The following ARHGAP30 variants were observed in gnomAD, a reference collection of about 807,000 sequenced individuals.
ARHGAP30 encodes the protein Rho GTPase activating protein 30.
A neutral mutation model predicts 72.0 loss-of-function variants in ARHGAP30; 23 were observed. The observed-to-expected ratio is 0.32, with a 90% CI of 0.23 to 0.45. ARHGAP30 has a LOEUF of 0.45. Ranked by LOEUF, ARHGAP30 falls within the 20% of genes least tolerant of loss-of-function variation. ARHGAP30 has a pLI of 1.00. For missense variants in ARHGAP30, 1,319 were observed against 1,383.4 expected (o/e 0.95, Z 0.74); for synonymous variants, 576 against 528.2 (o/e 1.09, Z -1.24).
rs527908839 is a variant in ARHGAP30 at position 161,063,522 on chromosome 1, G to A, written c.98-3806C>T. Among the ~76,000 whole-genome samples the A allele has an allele frequency of 2.0e-3, 306 of 152,226 alleles. 1 individual carries two copies. Among genetic ancestry groups the A allele is most frequent in the Non-Finnish European group, 1.8e-3 (122 of 68,030 alleles). ...CTGTCAGCCAAGAAGGATGTATATC[G>A]TCTCAGGACCCCGTAATAATTGCGT... On this transcript the variant is annotated intron_variant, in intron 1 of 11. Transcript: ENST00000368013.
rs151150229 is a variant in ARHGAP30, at chr1:161,049,643, T to G, written c.1467A>C (p.Ser489=). 129 of 1,613,992 alleles carry G rather than the reference T, an allele frequency of 8.0e-5. 3 individuals carry two copies. Among genetic ancestry groups the G allele is most frequent in the South Asian group, 7.7e-4 (70 of 91,084 alleles). ...ASPASSPLAD[S]GPDDLAPALE... ...GGGCAGGAGCCAAGTCGTCTGGGCC[T>G]GAGTCTGCCAGGGGACTTGAGGCTG... Residue 489 remains serine (S), a synonymous_variant, in exon 11 of 12, where the codon TCA becomes TCC. Coordinates refer to ENST00000368013, the MANE Select transcript of ARHGAP30 (RefSeq NM_001025598.2).
At chr1:161,054,754 C>T in intron 3 of ARHGAP30, 49 bp from the exon 4 acceptor site, 2 of 1,523,486 alleles carry the variant, frequency 1.3e-6, no homozygotes, top group Non-Finnish European at 1.8e-6. Flanking sequence ...CAGCAATGCC[C>T]CTGCTTACTC....
chr1:161,053,461 ATT>A, intron 5 of ARHGAP30, 76 bp from the exon 6 acceptor site: 3 of 805,622 alleles, frequency 3.7e-6, no homozygotes, highest in Non-Finnish European at 3.6e-6. Flanking sequence ...AAAATACCTT[ATT>A]CTCTCTCTCT....
chr1:161,063,670 G>A (rs907909734), intron 1 of ARHGAP30, among the ~76,000 whole-genome samples: 37 of 152,320 alleles, frequency 2.4e-4, no homozygotes, highest in Admixed American at 5.9e-4. Flanking sequence ...TCTGACTGCC[G>A]GTGAACCGGG....
intron 1 of ARHGAP30, among the ~76,000 whole-genome samples, chr1:161,063,897 G>A (rs754708292): frequency 7.9e-5 from 12 of 152,196 alleles, no homozygotes; most frequent in Non-Finnish European, 1.8e-4. Context: ...TTATTAGGAA[G>A]AGGAAACTCT....
At chr1:161,059,574 G>A (rs1181569451) in intron 2 of ARHGAP30, 40 bp downstream of exon 2, 4 of 1,550,140 alleles carry the variant, frequency 2.6e-6, no homozygotes, top group South Asian at 2.3e-5. Context: ...TGGCTCCCTG[G>A]CCTCCTGGTC....
chr1:161,052,156 G>T (rs1651452009), intron 9 of ARHGAP30, 130 bp downstream of exon 9: 1 of 938,154 alleles, frequency 1.1e-6, no homozygotes, highest in Non-Finnish European at 1.7e-6. Context: ...TTACAATGTG[G>T]CTGGTATATA....
chr1:161,050,568 C>G (rs1229345064), intron 10 of ARHGAP30, among the ~76,000 whole-genome samples: 1 of 151,956 alleles, frequency 6.6e-6, no homozygotes, highest in Non-Finnish European at 1.5e-5. Flanking sequence ...CTCAGCTTCC[C>G]AAAGTGTTGG....
intron 2 of ARHGAP30, among the ~76,000 whole-genome samples, chr1:161,058,082 T>C (rs1379707990): frequency 1.3e-5 from 2 of 149,554 alleles, no homozygotes; most frequent in Non-Finnish European, 3.0e-5. Context: ...ACCCGCAAGG[T>C]GGAGGTTGTG....
intron 1 of ARHGAP30, among the ~76,000 whole-genome samples, chr1:161,065,867 C>A (rs976265620): frequency 7.6e-6 from 1 of 131,830 alleles, no homozygotes; most frequent in Non-Finnish European, 1.6e-5. Context: ...GCACCCGGCC[C>A]CTTATTTATT....
chr1:161,063,810 C>A (rs372564575), intron 1 of ARHGAP30, among the ~76,000 whole-genome samples: 20 of 152,248 alleles, frequency 1.3e-4, no homozygotes, highest in East Asian at 9.6e-4. Flanking sequence ...ACGCCCCCCC[C>A]ACCGGGGCGT....
intron 6 of ARHGAP30, 129 bp downstream of exon 6, chr1:161,053,129 G>A (rs934354921): frequency 1.8e-5 from 24 of 1,359,066 alleles, no homozygotes; most frequent in Non-Finnish European, 2.4e-5. Flanking sequence ...TCTCCCCAGG[G>A]TTCTCTCCAT....
intron 2 of ARHGAP30, among the ~76,000 whole-genome samples, chr1:161,058,223 A>G (rs1652033635): frequency 6.6e-6 from 1 of 151,576 alleles, no homozygotes; most frequent in Non-Finnish European, 1.5e-5. Flanking sequence ...GAGGCAGGAG[A>G]ATTGCTTGAA....
rs775940910 is a variant in ARHGAP30 at position 161,064,761 on chromosome 1, GAAAGAAAGAAAGAAAGAA to G, written c.97+4749_97+4766del. On this transcript the variant is annotated intron_variant, in intron 1 of 11. Coordinates refer to ENST00000368013, the MANE Select transcript of ARHGAP30 (RefSeq NM_001025598.2). ...AACAGAGTAAGACAAGAAAGAAAGA[GAAAGAAAGAAAGAAAGAA>G]AAAGAAAGAAAGAAAGAAAGAAAGA... is the stretch of plus-strand genomic sequence containing the variant. Among the ~76,000 whole-genome samples the G allele has an allele frequency of 9.2e-3, 885 of 96,180 alleles. 10 individuals carry two copies. Among genetic ancestry groups the G allele is most frequent in the Admixed American group, 0.013 (109 of 8,148 alleles). 63.1% of individuals were successfully genotyped at this position (96,180 alleles called of 152,430 possible).
In ARHGAP30 at chr1:161,054,658, T is replaced by C; in HGVS notation, c.393A>G (p.Leu131=). 1 of 1,614,038 alleles carries C rather than the reference T, an allele frequency of 6.2e-7. No homozygotes were observed. Among genetic ancestry groups the C allele is most frequent in the Non-Finnish European group, 8.5e-7 (1 of 1,180,030 alleles). The change falls in exon 4 of 12, where the codon CTA becomes CTG. Residue 131 remains leucine (L), a synonymous_variant. Coordinates refer to ENST00000368013, the MANE Select transcript of ARHGAP30 (RefSeq NM_001025598.2). ...QLEPERLVKI[L]EVLRELPVPN... ...GGACAGGGAGTTCCCGAAGCACCTC[T>C]AGGATCTTGACCAAGCGCTCAGGTT... is the stretch of plus-strand genomic sequence containing the variant.
intron 6 of ARHGAP30, 97 bp downstream of exon 6, chr1:161,053,161 G>C (rs1571084037): frequency 6.5e-7 from 1 of 1,541,894 alleles, no homozygotes; most frequent in South Asian, 1.2e-5. Flanking sequence ...CAACATCCCT[G>C]TATGAGACTC....
At chr1:161,051,072 C>T (rs1317381807) in intron 10 of ARHGAP30, among the ~76,000 whole-genome samples, 1 of 152,250 alleles carries the variant, frequency 6.6e-6, no homozygotes, top group Non-Finnish European at 1.5e-5. Flanking sequence ...ACACAGGCCC[C>T]TATTCTTGGG....
chr1:161,052,044 ACCACCACC>A (rs1651436528), intron 9 of ARHGAP30, among the ~76,000 whole-genome samples: 4 of 20,706 alleles, frequency 1.9e-4, no homozygotes, highest in Non-Finnish European at 4.2e-4. Flanking sequence ...CACCACCACC[ACCACCACC>A]ACCACCACAT....
intron 1 of ARHGAP30, among the ~76,000 whole-genome samples, chr1:161,066,270 C>G (rs1652756009): frequency 1.3e-5 from 2 of 149,220 alleles, no homozygotes; most frequent in South Asian, 4.3e-4. Flanking sequence ...ATCTAGTGTG[C>G]AAAATTTAAG....
Sources: allele counts gnomAD v4.1 joint callset (sites outside exome capture counted in the v4.1 genomes callset), GRCh38; gene constraint gnomAD v4.1.1; transcripts MANE v1.5; gene names NCBI Gene and HGNC (gene_info 2026-07-23, HGNC 2026-07-21).